ARID4A: variants seen among roughly 807,000 people sequenced by gnomAD.
The protein encoded by ARID4A is AT-rich interactive domain-containing protein 4A.
Under a neutral mutation model 148.6 loss-of-function variants are expected in ARID4A, and 39 were observed. The observed-to-expected ratio is 0.26, with a 90% CI of 0.20 to 0.34. The LOEUF is 0.34. ARID4A is among the 10% of genes least tolerant of loss of function. ARID4A has a pLI of 1.00. For missense variants in ARID4A, 1,265 were observed against 1,449.1 expected (o/e 0.87, Z 2.06); for synonymous variants, 475 against 481.2 (o/e 0.99, Z 0.17).
intron 17 of ARID4A, 129 bp downstream of exon 17, chr14:58,353,984 T>G: frequency 1.2e-6 from 1 of 834,714 alleles, no homozygotes; most frequent in Non-Finnish European, 1.8e-6. Flanking sequence ...TTCTGAATTT[T>G]CCAAGACTTT....
At chr14:58,302,697 G>A (rs539697111) in intron 3 of ARID4A, among the ~76,000 whole-genome samples, 34 of 152,182 alleles carry the variant, frequency 2.2e-4, no homozygotes, top group South Asian at 1.5e-3. Context: ...GCTCACACCT[G>A]CAGTCCCAGC....
intron 5 of ARID4A, among the ~76,000 whole-genome samples, chr14:58,317,587 G>A (rs1427862889): frequency 6.8e-6 from 1 of 147,888 alleles, no homozygotes; most frequent in East Asian, 2.0e-4. Context: ...ACCGCGCCTG[G>A]CCTAAAGTTT....
chr14:58,364,807 A>G lies in ARID4A; in HGVS notation c.2718A>G (p.Arg906=), dbSNP rs760073730. 2 of 1,614,158 alleles carry G rather than the reference A, an allele frequency of 1.2e-6. No individual in the cohort carries two copies. Among genetic ancestry groups the G allele is most frequent in the Non-Finnish European group, 1.7e-6 (2 of 1,180,028 alleles). The stretch of plus-strand genomic sequence containing the variant: ...TAAATTTTGAACAGCACTTTGAAAG[A>G]GAAAATGAAGGAATGCCATCATTGA... The part of the protein sequence containing the change: ...KNLNFEQHFE[R]ENEGMPSLIA... Residue 906 remains arginine (R), a synonymous_variant, in exon 20 of 24, where the codon AGA becomes AGG. Transcript: ENST00000355431.
intron 18 of ARID4A, among the ~76,000 whole-genome samples, 190 bp from the exon 19 acceptor site, chr14:58,360,711 A>C (rs1019324607): frequency 6.6e-6 from 1 of 152,220 alleles, no homozygotes; most frequent in Non-Finnish European, 1.5e-5. Flanking sequence ...CCGTGACACT[A>C]ATGTTAATAA....
rs372363913 is a variant in ARID4A, at chr14:58,371,245, T to C, written c.3671-641T>C. ...ATACTTGAATAAACAAAAATTAAAATTTTAAATAAAATAGGAACAATCAGG... is the reference window on the plus strand; with the variant it reads ...ATACTTGAATAAACAAAAATTAAAACTTTAAATAAAATAGGAACAATCAGG... On this transcript the variant is annotated intron_variant, in intron 23 of 23. Coordinates refer to ENST00000355431, the MANE Select transcript of ARID4A (RefSeq NM_002892.4). 2.6e-5 allele frequency among the ~76,000 whole-genome samples: 4 copies of C among 152,190 alleles called. 1 individual carries two copies.
At position 58,298,616 on chromosome 14, in the gene ARID4A, G is replaced by C. The variant is rs141664951; in HGVS notation, c.-142G>C. On this transcript the variant is annotated 5_prime_UTR_variant, in exon 1 of 24. Coordinates refer to ENST00000355431, the MANE Select transcript of ARID4A (RefSeq NM_002892.4). The stretch of plus-strand genomic sequence containing the variant: ...GCGCAGGAACTGCAGCCGCGGCTGG[G>C]AGTGGTGCTGCCCGGACGGGGGCCC... 43 of 153,058 alleles carry C rather than the reference G, an allele frequency of 2.8e-4. No individual in the cohort carries two copies. Among genetic ancestry groups the C allele is most frequent in the Non-Finnish European group, 5.0e-4 (34 of 68,288 alleles). The allele number at this position is 153,058 out of a possible 1,614,324, so 9.5% of individuals were successfully genotyped here.
intron 7 of ARID4A, among the ~76,000 whole-genome samples, chr14:58,321,956 GTT>G (rs5808970): frequency 2.3e-5 from 3 of 130,240 alleles, no homozygotes; most frequent in Non-Finnish European, 4.9e-5. Flanking sequence ...TGTTGTTGTT[GTT>G]TTTTTTGGTT....
At chr14:58,310,224 T>A (rs1199031043) in intron 5 of ARID4A, among the ~76,000 whole-genome samples, 1 of 151,930 alleles carries the variant, frequency 6.6e-6, no homozygotes, top group Non-Finnish European at 1.5e-5. Context: ...TTTTTTTTGT[T>A]TTTTTTTGTT....
rs570092519 is a variant in ARID4A at position 58,361,688 on chromosome 14, A to G, written c.2080+646A>G. ...AACAGCAGGCTTTCAGTCTCCACCT[A>G]CGATGCTGTGTTTTCATTAAAAGGT... On this transcript the variant is annotated intron_variant, in intron 19 of 23. Transcript: ENST00000355431. Among the ~76,000 whole-genome samples the G allele has an allele frequency of 2.2e-4, 33 of 152,314 alleles. No homozygotes were observed. In the South Asian group the frequency reaches 6.6e-3, roughly 31 times the overall value.
chr14:58,348,842 A>T lies in ARID4A; in HGVS notation c.1404+964A>T, dbSNP rs528456852. Among the ~76,000 whole-genome samples, 151 of 151,830 alleles carry T rather than the reference A, an allele frequency of 9.9e-4. 1 individual carries two copies. The highest frequency in any genetic ancestry group is 1.7e-3 in the African/African-American group (71 of 41,474). On this transcript the variant is annotated intron_variant, in intron 15 of 23. Coordinates refer to ENST00000355431, the MANE Select transcript of ARID4A (RefSeq NM_002892.4). The stretch of plus-strand genomic sequence containing the variant: ...AAATTGTTTTTTTTTAATTTTTTTT[A>T]AAATTGTGGTAAGTACATATAACAT...
intron 2 of ARID4A, 128 bp downstream of exon 2, chr14:58,299,988 A>G: frequency 2.2e-6 from 3 of 1,349,888 alleles, no homozygotes; most frequent in Non-Finnish European, 2.1e-6. Flanking sequence ...GTTTCGGCAT[A>G]GGAGGATGTG....
chr14:58,327,280 G>A (rs2033268854), intron 8 of ARID4A, among the ~76,000 whole-genome samples: 1 of 152,206 alleles, frequency 6.6e-6, no homozygotes, highest in African/African-American at 2.4e-5. Context: ...TGTGAATGGT[G>A]CTGGAATGTA....
intron 17 of ARID4A, among the ~76,000 whole-genome samples, chr14:58,356,792 C>G (rs1013191051): frequency 6.6e-6 from 1 of 151,414 alleles, no homozygotes; most frequent in Non-Finnish European, 1.5e-5. Flanking sequence ...ACCTCCGCCT[C>G]CTGGGTTCAA....
intron 5 of ARID4A, among the ~76,000 whole-genome samples, chr14:58,310,567 A>G (rs1254784278): frequency 3.3e-5 from 5 of 152,176 alleles, no homozygotes; most frequent in African/African-American, 1.2e-4. Context: ...GGATATCTAC[A>G]TGCAGAAGAA....
intron 5 of ARID4A, among the ~76,000 whole-genome samples, chr14:58,306,462 A>G (rs1173637431): frequency 1.3e-5 from 2 of 152,254 alleles, no homozygotes; most frequent in Non-Finnish European, 2.9e-5. Flanking sequence ...TATTTTATAC[A>G]AGGGTAATGT....
chr14:58,312,229 T>C (rs1275545559), intron 5 of ARID4A, among the ~76,000 whole-genome samples: 1 of 151,774 alleles, frequency 6.6e-6, no homozygotes, highest in Non-Finnish European at 1.5e-5. Flanking sequence ...TTTTTTTTTT[T>C]TTTTTGAGAT....
intron 4 of ARID4A, 63 bp downstream of exon 4, chr14:58,305,072 T>A (rs1169218956): frequency 1.1e-5 from 15 of 1,359,194 alleles, no homozygotes; most frequent in African/African-American, 1.5e-5. Context: ...TTTACTGAAT[T>A]TACATTTCTA....
intron 11 of ARID4A, 124 bp from the exon 12 acceptor site, chr14:58,344,571 G>GA: frequency 1.5e-6 from 1 of 654,864 alleles, no homozygotes; most frequent in Non-Finnish European, 2.6e-6. Context: ...AGGATATTGA[G>GA]AAAATTCAGA....
chr14:58,361,058 G>A lies in ARID4A; in HGVS notation c.2080+16G>A, dbSNP rs778582277. 5.0e-6 allele frequency: 8 copies of A among 1,611,468 alleles called. No homozygotes were observed. The highest frequency in any genetic ancestry group is 1.7e-5 in the Admixed American group (1 of 59,808). ...GGAAAATCAGGTACCAGAAGTGCTC[G>A]CAGCAATATACCAGACAGCTCACCT... On this transcript the variant is annotated intron_variant, in intron 19 of 23. Transcript: ENST00000355431.
Sources: gnomAD v4.1 joint callset for allele counts (sites outside exome capture counted in the v4.1 genomes callset) on GRCh38, gnomAD v4.1.1 for gene constraint, MANE v1.5 for transcripts, NCBI Gene and HGNC (gene_info 2026-07-23, HGNC 2026-07-21) for gene names.